CNKSR3: variants seen among roughly 807,000 people sequenced by gnomAD.
CNKSR3 encodes CNKSR family member 3.
In CNKSR3, 36 loss-of-function variants were observed where a neutral mutation model predicts 67.7. The ratio of observed to expected loss-of-function variants is 0.53; its 90% CI spans 0.41 to 0.70. CNKSR3 has a LOEUF of 0.70. Ranked by LOEUF, CNKSR3 falls within the 30% of genes least tolerant of loss-of-function variation. CNKSR3 has a pLI of 0.00. For missense variants in CNKSR3, 630 were observed against 695.2 expected (o/e 0.91, Z 1.05); for synonymous variants, 281 against 271.4 (o/e 1.04, Z -0.35).
chr6:154,505,997 G>A (rs1331942280), intron 1 of CNKSR3, among the ~76,000 whole-genome samples: 2 of 152,196 alleles, frequency 1.3e-5, no homozygotes, highest in African/African-American at 2.4e-5. Context: ...TAGAGAAAAG[G>A]ACCTCATATA....
At chr6:154,473,748 G>A (rs1320979715) in intron 1 of CNKSR3, among the ~76,000 whole-genome samples, 3 of 152,006 alleles carry the variant, frequency 2.0e-5, no homozygotes, top group Non-Finnish European at 4.4e-5. Flanking sequence ...GTGCAACTTA[G>A]ACAATCACTT....
At chr6:154,411,867 T>A (rs1784920169) in intron 10 of CNKSR3, among the ~76,000 whole-genome samples, 1 of 152,194 alleles carries the variant, frequency 6.6e-6, no homozygotes, top group Non-Finnish European at 1.5e-5. Context: ...ATGAAGTTGT[T>A]AGATTTGAAA....
intron 10 of CNKSR3, among the ~76,000 whole-genome samples, 161 bp from the exon 11 acceptor site, chr6:154,411,303 A>G (rs995651201): frequency 3.3e-5 from 5 of 152,212 alleles, no homozygotes; most frequent in East Asian, 1.9e-4. Context: ...TGCCGCTCAA[A>G]TACATACAGA....
At chr6:154,509,357 G>A (rs1787166990) in intron 1 of CNKSR3, among the ~76,000 whole-genome samples, 2 of 127,022 alleles carry the variant, frequency 1.6e-5, no homozygotes, top group African/African-American at 6.0e-5. Flanking sequence ...AATATTGTAT[G>A]AATCAAGACA....
intron 1 of CNKSR3, among the ~76,000 whole-genome samples, chr6:154,464,830 G>C (rs1009875818): frequency 6.6e-6 from 1 of 151,872 alleles, no homozygotes; most frequent in African/African-American, 2.4e-5. Context: ...AGGAGGGAGA[G>C]AGCAGGGGAA....
intron 7 of CNKSR3, among the ~76,000 whole-genome samples, chr6:154,424,607 A>G (rs1362706262): frequency 6.6e-6 from 1 of 152,242 alleles, no homozygotes; most frequent in Non-Finnish European, 1.5e-5. Flanking sequence ...AAGCAGCCCT[A>G]AACTGTAGAA....
intron 6 of CNKSR3, among the ~76,000 whole-genome samples, chr6:154,429,726 C>T (rs960972283): frequency 1.3e-5 from 2 of 152,010 alleles, no homozygotes; most frequent in African/African-American, 4.8e-5. Context: ...GTCTCCTCCT[C>T]CTCCTTCTCC....
In CNKSR3 at chr6:154,387,801, G is replaced by A. The variant is rs183493635; in HGVS notation, c.*18553C>T. On this transcript the variant is annotated 3_prime_UTR_variant, in exon 13 of 13. Coordinates refer to ENST00000607772, the MANE Select transcript of CNKSR3 (RefSeq NM_173515.4). ...AAAGAAAAATGTTCTATCATCAAAT[G>A]TATTATGCATTTATTTTTTATCATT... 2 of 152,198 alleles carry A rather than the reference G, an allele frequency of 1.3e-5. No individual in the cohort carries two copies. Among genetic ancestry groups the A allele is most frequent in the East Asian group, 3.9e-4 (2 of 5,182 alleles). 9.4% of individuals were successfully genotyped at this position (152,198 alleles called of 1,614,324 possible). A position where few individuals can be genotyped will look rare whatever the true frequency, so the allele number is the denominator to read the frequency against.
Position 154,442,080 on chromosome 6 carries a change from C to T in CNKSR3, c.419+8G>A. ...TGCAGGGCAGTAAAAGGCACATCTC[C>T]AACTTACCGGTCCAGCCACGCCAGC... On this transcript the variant is annotated splice_region_variant and intron_variant, in intron 3 of 12. Coordinates refer to ENST00000607772, the MANE Select transcript of CNKSR3 (RefSeq NM_173515.4). 2 of 1,596,442 alleles carry T rather than the reference C, an allele frequency of 1.3e-6. No individual in the cohort carries two copies. The highest frequency in any genetic ancestry group is 1.7e-6 in the Non-Finnish European group (2 of 1,168,436).
At position 154,389,605 on chromosome 6, in the gene CNKSR3, T is replaced by A. The variant is rs1157855392; in HGVS notation, c.*16749A>T. The A allele has an allele frequency of 6.6e-6, 1 of 152,234 alleles. No homozygotes were observed. The highest frequency in any genetic ancestry group is 2.4e-5 in the African/African-American group (1 of 41,464). The allele number at this position is 152,234 out of a possible 1,614,324, so 9.4% of individuals were successfully genotyped here. On this transcript the variant is annotated 3_prime_UTR_variant, in exon 13 of 13. Coordinates refer to ENST00000607772, the MANE Select transcript of CNKSR3 (RefSeq NM_173515.4). Reference sequence around the variant, plus strand: ...TGTGGTTTCATATGGACTGTAGAATTGTTTTGTCCCTGTCTTCAGATGACA... The same window carrying A: ...TGTGGTTTCATATGGACTGTAGAATAGTTTTGTCCCTGTCTTCAGATGACA...
Position 154,394,591 on chromosome 6 carries a change from T to C in CNKSR3, c.*11763A>G, listed in dbSNP as rs956418317. Reference sequence around the variant, plus strand: ...ACTGAGATTTGGGGGTTGTTTGTTATAGCATGAGCCTAATACAAGAAGTAA... The same window carrying C: ...ACTGAGATTTGGGGGTTGTTTGTTACAGCATGAGCCTAATACAAGAAGTAA... On this transcript the variant is annotated 3_prime_UTR_variant, in exon 13 of 13. Coordinates refer to ENST00000607772, the MANE Select transcript of CNKSR3 (RefSeq NM_173515.4). The C allele has an allele frequency of 8.5e-5, 11 of 129,712 alleles. No homozygotes were observed. Among genetic ancestry groups the C allele is most frequent in the African/African-American group, 3.4e-4 (11 of 32,814 alleles). The allele number at this position is 129,712 out of a possible 1,614,324, so 8.0% of individuals were successfully genotyped here. A position where few individuals can be genotyped will look rare whatever the true frequency, so the allele number is the denominator to read the frequency against.
rs982551400 is a variant in CNKSR3 at position 154,399,108 on chromosome 6, A to G, written c.*7246T>C. The G allele has an allele frequency of 3.3e-5, 5 of 151,770 alleles. No individual in the cohort carries two copies. The highest frequency in any genetic ancestry group is 2.0e-4 in the Admixed American group (3 of 15,194). 9.4% of individuals were successfully genotyped at this position (151,770 alleles called of 1,614,324 possible). A position where few individuals can be genotyped will look rare whatever the true frequency, so the allele number is the denominator to read the frequency against. ...AAAAAAAAAAAAAGTGTGTCCAATC[A>G]CAGACTTTTGTCATTTCTTGAGTTC... On this transcript the variant is annotated 3_prime_UTR_variant, in exon 13 of 13. Transcript: ENST00000607772.
chr6:154,467,123 C>T (rs985594422), intron 1 of CNKSR3, among the ~76,000 whole-genome samples: 1 of 152,136 alleles, frequency 6.6e-6, no homozygotes, highest in South Asian at 2.1e-4. Context: ...CAAGAGCAGT[C>T]TTTAAGTAAA....
intron 5 of CNKSR3, among the ~76,000 whole-genome samples, chr6:154,431,996 A>G (rs1785377911): frequency 6.6e-6 from 1 of 152,062 alleles, no homozygotes; most frequent in Non-Finnish European, 1.5e-5. Flanking sequence ...TTTGATGTAA[A>G]TTTTCAACTC....
chr6:154,413,139 TACACAC>T (rs60788837), intron 10 of CNKSR3, among the ~76,000 whole-genome samples: 1,681 of 145,104 alleles, frequency 0.012, 28 homozygotes, highest in African/African-American at 0.041. Flanking sequence ...GAATTTATGG[TACACAC>T]ACACACACAC....
Position 154,415,228 on chromosome 6 carries a change from A to ATTTTTTTTTTTTTTTTTT in CNKSR3, c.946-823_946-806dup, listed in dbSNP as rs35873703. On this transcript the variant is annotated intron_variant, in intron 9 of 12. Coordinates refer to ENST00000607772, the MANE Select transcript of CNKSR3 (RefSeq NM_173515.4). Reference sequence around the variant, plus strand: ...TCCTGGCTAGACTTACTAGCTGCCCATTTTTTTTTTTTTTTTTTTTAAGAT... The same window carrying ATTTTTTTTTTTTTTTTTT: ...TCCTGGCTAGACTTACTAGCTGCCCATTTTTTTTTTTTTTTTTTTTTTTTTTTTTTTTTTTTTTAAGAT... 9.3e-5 allele frequency among the ~76,000 whole-genome samples: 11 copies of ATTTTTTTTTTTTTTTTTT among 118,112 alleles called. 2 individuals are homozygous for ATTTTTTTTTTTTTTTTTT. In the East Asian group the frequency reaches 1.6e-3, roughly 17 times the overall value. 77.5% of individuals were successfully genotyped at this position (118,112 alleles called of 152,430 possible). A position where few individuals can be genotyped will look rare whatever the true frequency, so the allele number is the denominator to read the frequency against.
chr6:154,472,646 C>T (rs1019085244), intron 1 of CNKSR3, among the ~76,000 whole-genome samples: 5 of 152,088 alleles, frequency 3.3e-5, no homozygotes, highest in Admixed American at 6.6e-5. Context: ...CACATCATGC[C>T]GCCAACAGCT....
chr6:154,413,721 G>C (rs1351341291), intron 10 of CNKSR3, among the ~76,000 whole-genome samples: 3 of 151,960 alleles, frequency 2.0e-5, no homozygotes, highest in African/African-American at 7.3e-5. Flanking sequence ...GTTTTCATTC[G>C]TTTTTCAAAA....
intron 12 of CNKSR3, among the ~76,000 whole-genome samples, chr6:154,407,890 A>AAAC (rs1554230775): frequency 1.3e-5 from 2 of 151,388 alleles, no homozygotes; most frequent in East Asian, 1.9e-4. Context: ...AAAAAAAAAA[A>AAAC]AAAAACCTAA....
Sources: allele counts gnomAD v4.1 joint callset (sites outside exome capture counted in the v4.1 genomes callset), GRCh38; gene constraint gnomAD v4.1.1; transcripts MANE v1.5; gene names NCBI Gene and HGNC (gene_info 2026-07-23, HGNC 2026-07-21).